PHLPP1: variants seen among roughly 807,000 people sequenced by gnomAD.
PHLPP1 encodes the protein PH domain and leucine rich repeat protein phosphatase 1, also known as PH domain leucine-rich repeat-containing protein phosphatase 1.
Under a neutral mutation model 117.2 loss-of-function variants are expected in PHLPP1, and 42 were observed. That is an observed-to-expected ratio of 0.36 (90% CI 0.28 to 0.46). The LOEUF is 0.46. Among genes scored for constraint, PHLPP1 ranks in the 20% least tolerant of loss-of-function variants. The pLI, the probability that PHLPP1 is intolerant of heterozygous loss-of-function variation, is 1.00. For synonymous variants in PHLPP1, 1,042 were observed against 970.7 expected (o/e 1.07, Z -1.37); for missense variants, 2,084 against 2,241.9 (o/e 0.93, Z 1.42).
At chr18:62,759,776 A>T (rs1164902821) in intron 1 of PHLPP1, among the ~76,000 whole-genome samples, 2 of 152,216 alleles carry the variant, frequency 1.3e-5, no homozygotes, top group Non-Finnish European at 2.9e-5. Context: ...CATTAAAATC[A>T]TCTTACCATT....
rs575723294 is a variant in PHLPP1, at chr18:62,770,768, C to T, written c.1576+53509C>T. Reference sequence around the variant, plus strand: ...GGGGGGTGGGGAATATTTGCATATACATAATAAGATATCTTGGGGATAGGA... The same window carrying T: ...GGGGGGTGGGGAATATTTGCATATATATAATAAGATATCTTGGGGATAGGA... On this transcript the variant is annotated intron_variant, in intron 1 of 16. Coordinates refer to ENST00000262719, the MANE Select transcript of PHLPP1 (RefSeq NM_194449.4). Among the ~76,000 whole-genome samples, 68 of 152,064 alleles carry T rather than the reference C, an allele frequency of 4.5e-4. 1 individual carries two copies. Among genetic ancestry groups the T allele is most frequent in the South Asian group, 4.4e-3 (21 of 4,820 alleles).
chr18:62,723,241 T>C (rs769359617), intron 1 of PHLPP1, among the ~76,000 whole-genome samples: 1 of 152,198 alleles, frequency 6.6e-6, no homozygotes, highest in Non-Finnish European at 1.5e-5. Context: ...TTTGGAGATA[T>C]CAATACTTTA....
intron 12 of PHLPP1, among the ~76,000 whole-genome samples, chr18:62,946,639 TTG>T (rs147900391): frequency 4.0e-5 from 6 of 151,708 alleles, no homozygotes; most frequent in Admixed American, 2.0e-4. Context: ...GCCATTTTGT[TTG>T]TGTGTGTGTG....
At chr18:62,824,215 C>G (rs796549662) in intron 1 of PHLPP1, 2 of 455,502 alleles carry the variant, frequency 4.4e-6, no homozygotes, top group Non-Finnish European at 8.8e-6. Context: ...ATGGTACAAA[C>G]CAGCCATTCC....
At chr18:62,915,864 A>T (rs1376313449) in intron 9 of PHLPP1, among the ~76,000 whole-genome samples, 1 of 152,210 alleles carries the variant, frequency 6.6e-6, no homozygotes, top group Non-Finnish European at 1.5e-5. Context: ...ATTCCAATTA[A>T]CAAATTCATA....
At chr18:62,838,520 G>A in intron 2 of PHLPP1, 1 of 338,658 alleles carries the variant, frequency 3.0e-6, no homozygotes, top group Non-Finnish European at 5.4e-6. Context: ...GAATAAGAAA[G>A]GGAGTCTGGA....
chr18:62,837,437 T>C (rs1656898041), intron 2 of PHLPP1, among the ~76,000 whole-genome samples: 1 of 152,198 alleles, frequency 6.6e-6, no homozygotes, highest in African/African-American at 2.4e-5. Flanking sequence ...TTATTGTTAA[T>C]TGTTAATATT....
chr18:62,727,992 A>T (rs944009139), intron 1 of PHLPP1, among the ~76,000 whole-genome samples: 1 of 152,000 alleles, frequency 6.6e-6, no homozygotes, highest in African/African-American at 2.4e-5. Context: ...TACGTATTAG[A>T]GATAATTTTT....
intron 8 of PHLPP1, among the ~76,000 whole-genome samples, chr18:62,913,243 T>C (rs1043890931): frequency 6.6e-5 from 10 of 152,128 alleles, no homozygotes; most frequent in African/African-American, 2.4e-4. Flanking sequence ...TGGGGTTGTT[T>C]TTACTAAAGA....
At chr18:62,770,736 T>G (rs1912735734) in intron 1 of PHLPP1, among the ~76,000 whole-genome samples, 1 of 151,844 alleles carries the variant, frequency 6.6e-6, no homozygotes, top group Admixed American at 6.6e-5. Context: ...TTTTGGAATT[T>G]TTTTGGGGGG....
At chr18:62,799,921 G>T (rs1168238728) in intron 1 of PHLPP1, among the ~76,000 whole-genome samples, 1 of 152,198 alleles carries the variant, frequency 6.6e-6, no homozygotes, top group Non-Finnish European at 1.5e-5. Context: ...AATTTTAGAA[G>T]GATGTGGACA....
At chr18:62,720,212 T>A (rs1910874462) in intron 1 of PHLPP1, among the ~76,000 whole-genome samples, 3 of 152,170 alleles carry the variant, frequency 2.0e-5, no homozygotes, top group Admixed American at 2.0e-4. Flanking sequence ...TCGACATAAG[T>A]TATGGACTCC....
chr18:62,886,211 C>A (rs35490207), intron 4 of PHLPP1, among the ~76,000 whole-genome samples: 2 of 152,136 alleles, frequency 1.3e-5, no homozygotes, highest in African/African-American at 4.8e-5. Context: ...CATCTCTTCC[C>A]TGTCCCCACT....
In PHLPP1 at chr18:62,715,730, G is replaced by A; in HGVS notation, c.47G>A (p.Gly16Asp). 2 of 1,247,452 alleles carry A rather than the reference G, an allele frequency of 1.6e-6. No individual in the cohort carries two copies. The highest frequency in any genetic ancestry group is 6.2e-5 in the South Asian group (2 of 32,426). 77.3% of individuals were successfully genotyped at this position (1,247,452 alleles called of 1,614,324 possible). A position where few individuals can be genotyped will look rare whatever the true frequency, so the allele number is the denominator to read the frequency against. ...AATVQRLPEL[G>D]REDRASAPAA... Reference sequence around the variant, plus strand: ...ACGGTACAGCGACTCCCCGAGCTCGGCAGGGAGGACCGAGCTTCGGCTCCG... The same window carrying A: ...ACGGTACAGCGACTCCCCGAGCTCGACAGGGAGGACCGAGCTTCGGCTCCG... Residue 16 changes from glycine (G) to aspartate (D), a missense_variant, in exon 1 of 17, where the codon GGC becomes GAC. Coordinates refer to ENST00000262719, the MANE Select transcript of PHLPP1 (RefSeq NM_194449.4).
intron 3 of PHLPP1, among the ~76,000 whole-genome samples, chr18:62,843,743 A>G (rs1415731130): frequency 2.6e-5 from 4 of 152,204 alleles, no homozygotes; most frequent in East Asian, 1.9e-4. Context: ...TGTTTGTTCA[A>G]CATAGGTACA....
intron 1 of PHLPP1, among the ~76,000 whole-genome samples, chr18:62,721,410 G>A (rs1343204862): frequency 1.3e-5 from 2 of 151,780 alleles, no homozygotes; most frequent in Admixed American, 1.3e-4. Flanking sequence ...TGAAAAGTGG[G>A]TAACTTTTGA....
At chr18:62,747,434 C>T (rs1372532283) in intron 1 of PHLPP1, among the ~76,000 whole-genome samples, 1 of 151,612 alleles carries the variant, frequency 6.6e-6, no homozygotes, top group Non-Finnish European at 1.5e-5. Context: ...TGAGCCACAG[C>T]GCCCAGCCGA....
intron 14 of PHLPP1, among the ~76,000 whole-genome samples, chr18:62,972,118 C>T (rs1008438120): frequency 1.3e-5 from 2 of 152,090 alleles, no homozygotes; most frequent in East Asian, 1.9e-4. Context: ...ATATAGGTTT[C>T]GTCTATTTTT....
chr18:62,830,416 A>T (rs1050358650), intron 2 of PHLPP1, among the ~76,000 whole-genome samples, 185 bp downstream of exon 2: 1 of 152,112 alleles, frequency 6.6e-6, no homozygotes, highest in Non-Finnish European at 1.5e-5. Context: ...TTTAGTAGAG[A>T]TGGGGTTTCA....
Sources: gnomAD v4.1 joint callset for allele counts (sites outside exome capture counted in the v4.1 genomes callset) on GRCh38, gnomAD v4.1.1 for gene constraint, MANE v1.5 for transcripts, NCBI Gene and HGNC (gene_info 2026-07-23, HGNC 2026-07-21) for gene names.